Variants in CNIH3 observed in about 807,000 individuals in gnomAD.
CNIH3 encodes the protein cornichon family AMPA receptor auxiliary protein 3.
A neutral mutation model predicts 24.1 loss-of-function variants in CNIH3; 14 were observed. The ratio of observed to expected loss-of-function variants is 0.58; its 90% CI spans 0.38 to 0.91. The LOEUF (loss-of-function observed/expected upper bound fraction) is 0.91. CNIH3 is among the 40% of genes least tolerant of loss of function. The pLI is 0.00. For missense variants in CNIH3, 178 were observed against 196.8 expected (o/e 0.90, Z 0.57); for synonymous variants, 68 against 73.8 (o/e 0.92, Z 0.40).
At chr1:224,698,279 C>T (rs1687283696) in intron 3 of CNIH3, among the ~76,000 whole-genome samples, 2 of 152,210 alleles carry the variant, frequency 1.3e-5, no homozygotes, top group Non-Finnish European at 2.9e-5. Flanking sequence ...TGTTTCCTTT[C>T]TGTATCAGCC....
chr1:224,653,490 G>C (rs556804429), intron 1 of CNIH3, among the ~76,000 whole-genome samples: 62 of 150,520 alleles, frequency 4.1e-4, no homozygotes, highest in African/African-American at 1.5e-3. Flanking sequence ...TTTCTTCCTT[G>C]AATTTTGGAA....
intron 1 of CNIH3, among the ~76,000 whole-genome samples, chr1:224,649,744 C>G (rs762677089): frequency 7.2e-5 from 11 of 152,156 alleles, no homozygotes; most frequent in Non-Finnish European, 1.5e-4. Flanking sequence ...TTTTCCAGCC[C>G]GGTCCACCAA....
chr1:224,634,690 T>C (rs564311562), intron 1 of CNIH3, among the ~76,000 whole-genome samples: 9 of 152,326 alleles, frequency 5.9e-5, no homozygotes, highest in Admixed American at 3.9e-4. Context: ...TTTCCTTTTC[T>C]TCTTACTGTC....
intron 3 of CNIH3, among the ~76,000 whole-genome samples, chr1:224,603,889 C>T (rs1473543857): frequency 1.3e-5 from 2 of 152,158 alleles, no homozygotes; most frequent in African/African-American, 4.8e-5. Flanking sequence ...CGTGTATCCA[C>T]AGTTGGTTGT....
At chr1:224,440,000 G>A (rs1674826350) in intron 1 of CNIH3, among the ~76,000 whole-genome samples, 1 of 152,342 alleles carries the variant, frequency 6.6e-6, no homozygotes, top group South Asian at 2.1e-4. Context: ...GTGTTAACCA[G>A]GATGGTCTCG....
chr1:224,581,246 G>A (rs778520468), intron 4 of CNIH3, among the ~76,000 whole-genome samples: 16 of 151,908 alleles, frequency 1.1e-4, no homozygotes, highest in Admixed American at 2.6e-4. Flanking sequence ...GTCTTTTTCC[G>A]GTTTTGATGG....
At chr1:224,585,294 C>G (rs1346388678) in intron 5 of CNIH3, among the ~76,000 whole-genome samples, 1 of 152,118 alleles carries the variant, frequency 6.6e-6, no homozygotes, top group African/African-American at 2.4e-5. Context: ...GCCTTCCAGA[C>G]CCCGCAATCA....
intron 1 of CNIH3, among the ~76,000 whole-genome samples, chr1:224,625,202 G>A (rs906927621): frequency 1.2e-4 from 18 of 152,282 alleles, no homozygotes; most frequent in South Asian, 2.1e-4. Flanking sequence ...CCTCCTCAAT[G>A]AATACTTTCC....
intron 1 of CNIH3, among the ~76,000 whole-genome samples, chr1:224,483,753 T>C (rs539612251): frequency 2.6e-5 from 4 of 152,236 alleles, no homozygotes; most frequent in South Asian, 4.1e-4. Flanking sequence ...AAATTTGGTG[T>C]TCCTGTGGGG....
At chr1:224,513,527 A>T (rs1224100062), upstream of CNIH3, among the ~76,000 whole-genome samples, 1 of 152,058 alleles carries the variant, frequency 6.6e-6, no homozygotes, top group Non-Finnish European at 1.5e-5. Context: ...CCCACTTCCC[A>T]GCCTCAGTTC....
At chr1:224,589,244 C>T (rs1431573346), downstream of CNIH3, among the ~76,000 whole-genome samples, 1 of 152,170 alleles carries the variant, frequency 6.6e-6, no homozygotes, top group African/African-American at 2.4e-5. Context: ...CCACAAAAGA[C>T]TGTTGAATTC....
chr1:224,469,320 GA>G (rs1264596681), intron 1 of CNIH3, among the ~76,000 whole-genome samples: 1 of 151,950 alleles, frequency 6.6e-6, no homozygotes, highest in Non-Finnish European at 1.5e-5. Context: ...GGACTCAAAT[GA>G]TCCTTCCACC....
At position 224,671,236 on chromosome 1, in the gene CNIH3, A is replaced by G. The variant is rs192993775; in HGVS notation, c.82-9722A>G. ...GTTTCTCTAGGGAACCCTGACCAAT[A>G]CAGAGATGAAATGGGGTGGAGTTAG... On this transcript the variant is annotated intron_variant, in intron 1 of 5. Coordinates refer to ENST00000272133, the MANE Select transcript of CNIH3 (RefSeq NM_152495.2). Among the ~76,000 whole-genome samples the G allele has an allele frequency of 5.1e-4, 78 of 152,362 alleles. No individual in the cohort carries two copies. In the Middle Eastern group the frequency reaches 0.01, roughly 20 times the overall value.
chr1:224,665,489 A>C (rs1685554177), intron 1 of CNIH3, among the ~76,000 whole-genome samples: 1 of 152,240 alleles, frequency 6.6e-6, no homozygotes, highest in South Asian at 2.1e-4. Flanking sequence ...CTTTCAATAG[A>C]TACTTACTGA....
At position 224,680,060 on chromosome 1, in the gene CNIH3, C is replaced by T. The variant is rs117535440; in HGVS notation, c.82-898C>T. On this transcript the variant is annotated intron_variant, in intron 1 of 5. Transcript: ENST00000272133. The stretch of plus-strand genomic sequence containing the variant: ...CTGACTTCAGGTGATCCAACCGCCT[C>T]GGCCTCTGAAAGTGCTGGGATTACA... Among the ~76,000 whole-genome samples, 550 of 152,244 alleles carry T rather than the reference C, an allele frequency of 3.6e-3. 6 individuals are homozygous for T. The highest frequency in any genetic ancestry group is 0.029 in the East Asian group (150 of 5,184).
At chr1:224,700,381 G>A (rs1687420380) in intron 3 of CNIH3, among the ~76,000 whole-genome samples, 1 of 152,134 alleles carries the variant, frequency 6.6e-6, no homozygotes, top group Admixed American at 6.5e-5. Flanking sequence ...ATAAAATTTG[G>A]GAGGACATGT....
chr1:224,574,103 T>G (rs1429187180), intron 4 of CNIH3, among the ~76,000 whole-genome samples: 1 of 152,172 alleles, frequency 6.6e-6, no homozygotes, highest in East Asian at 1.9e-4. Flanking sequence ...GACATTTTAA[T>G]AGTATATTTA....
chr1:224,479,482 A>T (rs1020241492), intron 1 of CNIH3, among the ~76,000 whole-genome samples: 3 of 152,172 alleles, frequency 2.0e-5, no homozygotes, highest in Admixed American at 2.0e-4. Context: ...TCATTTCAGC[A>T]TTAACTCAAA....
chr1:224,635,298 A>T (rs1684035532), intron 1 of CNIH3, among the ~76,000 whole-genome samples: 1 of 152,184 alleles, frequency 6.6e-6, no homozygotes, highest in South Asian at 2.1e-4. Context: ...CTCCCACGAC[A>T]CTTGGGGATT....
Sources: allele counts gnomAD v4.1 joint callset (sites outside exome capture counted in the v4.1 genomes callset), GRCh38; gene constraint gnomAD v4.1.1; transcripts MANE v1.5; gene names NCBI Gene and HGNC (gene_info 2026-07-23, HGNC 2026-07-21).